Variants in RBFOX1 observed in about 807,000 individuals in gnomAD.
The protein encoded by RBFOX1 is RNA binding fox-1 homolog 1, also known as RNA binding protein fox-1 homolog 1.
RBFOX1 carries 8 observed loss-of-function variants against 57.7 expected under a neutral mutation model. That is an observed-to-expected ratio of 0.14 (90% CI 0.08 to 0.25). The LOEUF is 0.25. Ranked by LOEUF, RBFOX1 falls within the 10% of genes least tolerant of loss-of-function variation. RBFOX1 has a pLI of 1.00. For synonymous variants in RBFOX1, 326 were observed against 222.4 expected (o/e 1.47, Z -4.15); for missense variants, 611 against 548.5 (o/e 1.11, Z -1.14).
intron 3 of RBFOX1, among the ~76,000 whole-genome samples, chr16:6,762,006 A>G (rs1190633761): frequency 6.6e-6 from 1 of 152,124 alleles, no homozygotes; most frequent in African/African-American, 2.4e-5. Context: ...CAAGCTCGAC[A>G]ACTCTACAGG....
chr16:6,274,616 C>T (rs1457059199), intron 1 of RBFOX1, among the ~76,000 whole-genome samples: 1 of 152,124 alleles, frequency 6.6e-6, no homozygotes, highest in Non-Finnish European at 1.5e-5. Context: ...TGTATCTTGA[C>T]TGTATTAGCG....
chr16:6,692,921 A>G (rs910020106), intron 3 of RBFOX1, among the ~76,000 whole-genome samples: 2 of 150,412 alleles, frequency 1.3e-5, no homozygotes, highest in African/African-American at 2.5e-5. Flanking sequence ...TCATAGTACT[A>G]CCATCACCAC....
intron 4 of RBFOX1, among the ~76,000 whole-genome samples, chr16:7,459,830 C>G (rs1441172242): frequency 6.6e-6 from 1 of 152,094 alleles, no homozygotes; most frequent in East Asian, 1.9e-4. Context: ...TTACGGGCCA[C>G]CATACATACA....
chr16:5,902,844 T>C (rs142586892), intron 4 of RBFOX1, among the ~76,000 whole-genome samples: 1 of 152,286 alleles, frequency 6.6e-6, no homozygotes, highest in Non-Finnish European at 1.5e-5. Flanking sequence ...AAGTGTATCA[T>C]TCACAAAGAG....
chr16:6,820,599 C>T (rs1436175954), intron 3 of RBFOX1, among the ~76,000 whole-genome samples: 1 of 152,042 alleles, frequency 6.6e-6, no homozygotes, highest in African/African-American at 2.4e-5. Context: ...TTAGAGGCTG[C>T]TGCAAGCCAT....
intron 4 of RBFOX1, among the ~76,000 whole-genome samples, chr16:5,900,703 G>C (rs1416680324): frequency 3.3e-5 from 5 of 152,114 alleles, no homozygotes; most frequent in African/African-American, 9.7e-5. Context: ...AGTCATGCGG[G>C]GTTCTTGGGG....
At chr16:6,096,682 G>C (rs2096248734) in intron 1 of RBFOX1, among the ~76,000 whole-genome samples, 1 of 152,170 alleles carries the variant, frequency 6.6e-6, no homozygotes, top group South Asian at 2.1e-4. Context: ...ATGTACCGAT[G>C]TTTAAAACTC....
chr16:6,813,873 C>T (rs759242919), intron 3 of RBFOX1, among the ~76,000 whole-genome samples: 1 of 152,026 alleles, frequency 6.6e-6, no homozygotes, highest in East Asian at 1.9e-4. Flanking sequence ...CTCAGCCAGC[C>T]CCTTGTTAGG....
chr16:6,394,034 T>G lies in RBFOX1; in HGVS notation c.-64+76977T>G, dbSNP rs772597088. ...TTAGAAGACTATACTAAATTGTTAC[T>G]CCTTATTACCAACATGCATAGCATC... On this transcript the variant is annotated intron_variant, in intron 2 of 15. Coordinates refer to ENST00000550418, the MANE Select transcript of RBFOX1 (RefSeq NM_018723.4). Among the ~76,000 whole-genome samples the G allele has an allele frequency of 9.2e-5, 14 of 152,220 alleles. 1 individual carries two copies. Among genetic ancestry groups the G allele is most frequent in the Admixed American group, 6.5e-5 (1 of 15,284 alleles).
chr16:5,415,247 G>A (rs1424952718), intron 1 of RBFOX1, among the ~76,000 whole-genome samples: 1 of 152,144 alleles, frequency 6.6e-6, no homozygotes, highest in African/African-American at 2.4e-5. Flanking sequence ...AAGGTGAGGG[G>A]GAGGAAGGCA....
At chr16:7,609,174 A>G (rs1372809526) in intron 10 of RBFOX1, among the ~76,000 whole-genome samples, 3 of 152,196 alleles carry the variant, frequency 2.0e-5, no homozygotes, top group African/African-American at 7.2e-5. Flanking sequence ...TCCTATATGC[A>G]CATATCTGAG....
chr16:5,249,001 AAAAAAAAAAAAG>A lies in RBFOX1; in HGVS notation c.219+8898_219+8909del, dbSNP rs1395023818. Among the ~76,000 whole-genome samples the A allele has an allele frequency of 3.7e-4, 56 of 150,304 alleles. No homozygotes were observed. In the East Asian group the frequency reaches 9.8e-3, roughly 26 times the overall value. ...AGACTCCATCTCAAAAAAAAAAAAA[AAAAAAAAAAAAG>A]AGGACAAGAGGAGGAGGGAAGAGAA... On this transcript the variant is annotated intron_variant, in intron 1 of 2. Coordinates refer to the RBFOX1 transcript ENST00000585867.
intron 3 of RBFOX1, among the ~76,000 whole-genome samples, chr16:6,888,098 C>T (rs1249691653): frequency 3.3e-5 from 5 of 152,128 alleles, no homozygotes; most frequent in African/African-American, 1.2e-4. Context: ...TAATAAGCCT[C>T]ATAAGCTTTA....
chr16:6,799,717 C>T (rs555429334), intron 3 of RBFOX1, among the ~76,000 whole-genome samples: 1 of 152,120 alleles, frequency 6.6e-6, no homozygotes, highest in African/African-American at 2.4e-5. Context: ...CGTCTTTCTC[C>T]TGTGCTGGAT....
chr16:7,233,249 A>C, intron 4 of RBFOX1, among the ~76,000 whole-genome samples: 1 of 149,658 alleles, frequency 6.7e-6, no homozygotes. Flanking sequence ...TATCCCATTG[A>C]CTTTGACTGT....
At chr16:7,270,649 T>G (rs1197488354) in intron 4 of RBFOX1, among the ~76,000 whole-genome samples, 1 of 152,216 alleles carries the variant, frequency 6.6e-6, no homozygotes, top group Non-Finnish European at 1.5e-5. Flanking sequence ...TCAGTTGCTA[T>G]TAGACAAACC....
At chr16:6,966,270 C>T (rs1386213944) in intron 3 of RBFOX1, among the ~76,000 whole-genome samples, 9 of 152,094 alleles carry the variant, frequency 5.9e-5, no homozygotes, top group Non-Finnish European at 2.9e-5. Flanking sequence ...ATGAGCCTCC[C>T]GTTGACTGGG....
chr16:7,522,258 A>C (rs977268270), intron 5 of RBFOX1, among the ~76,000 whole-genome samples: 3 of 152,170 alleles, frequency 2.0e-5, no homozygotes, highest in Non-Finnish European at 4.4e-5. Flanking sequence ...AATTGGTGTT[A>C]ATCAAGAGTA....
At chr16:6,092,188 G>C (rs113734562) in intron 1 of RBFOX1, among the ~76,000 whole-genome samples, 4 of 152,312 alleles carry the variant, frequency 2.6e-5, no homozygotes, top group South Asian at 4.1e-4. Context: ...AATAATAAAA[G>C]CTAAGATTTA....
Sources: gnomAD v4.1 joint callset for allele counts (sites outside exome capture counted in the v4.1 genomes callset) on GRCh38, gnomAD v4.1.1 for gene constraint, MANE v1.5 for transcripts, NCBI Gene and HGNC (gene_info 2026-07-23, HGNC 2026-07-21) for gene names.